Variants in GRAMD2B observed in about 807,000 individuals in gnomAD.
GRAMD2B encodes GRAM domain-containing protein 2B.
In GRAMD2B, 41 loss-of-function variants were observed where a neutral mutation model predicts 59.2. The observed-to-expected ratio is 0.69, with a 90% CI of 0.54 to 0.90. GRAMD2B has a LOEUF of 0.90. Ranked by LOEUF, GRAMD2B falls within the 40% of genes least tolerant of loss-of-function variation. GRAMD2B has a pLI of 0.00. For synonymous variants in GRAMD2B, 161 were observed against 182.7 expected (o/e 0.88, Z 0.96); for missense variants, 424 against 500.5 (o/e 0.85, Z 1.46).
chr5:126,457,657 A>G (rs1766571097), intron 1 of GRAMD2B, among the ~76,000 whole-genome samples: 2 of 152,034 alleles, frequency 1.3e-5, no homozygotes, highest in African/African-American at 2.4e-5. Flanking sequence ...TATATATATC[A>G]TTGAGAAGGT....
chr5:126,400,704 G>A (rs545942484), intron 1 of GRAMD2B, among the ~76,000 whole-genome samples: 1 of 152,016 alleles, frequency 6.6e-6, no homozygotes, highest in African/African-American at 2.4e-5. Context: ...TATTTCTGAA[G>A]GACAGCTTTA....
chr5:126,362,219 G>A (rs150809719), intron 1 of GRAMD2B, among the ~76,000 whole-genome samples: 15 of 152,248 alleles, frequency 9.9e-5, no homozygotes, highest in African/African-American at 3.4e-4. Context: ...TTTTGATCGG[G>A]CAGCATCATT....
chr5:126,394,033 G>C (rs1561475012), intron 1 of GRAMD2B, among the ~76,000 whole-genome samples: 1 of 152,096 alleles, frequency 6.6e-6, no homozygotes, highest in Admixed American at 6.5e-5. Flanking sequence ...CCAGCACTTC[G>C]GGAGGCCAAG....
At chr5:126,454,551 T>G (rs972409241) in intron 1 of GRAMD2B, among the ~76,000 whole-genome samples, 1 of 152,222 alleles carries the variant, frequency 6.6e-6, no homozygotes, top group South Asian at 2.1e-4. Flanking sequence ...TTATATGAGT[T>G]GCCTTAGGCT....
At chr5:126,438,235 A>G (rs1429350026) in intron 1 of GRAMD2B, among the ~76,000 whole-genome samples, 1 of 152,210 alleles carries the variant, frequency 6.6e-6, no homozygotes, top group Non-Finnish European at 1.5e-5. Context: ...GGAGGAGCGA[A>G]GTCAATGAAA....
At chr5:126,452,337 C>T (rs561545020) in intron 1 of GRAMD2B, among the ~76,000 whole-genome samples, 1 of 152,240 alleles carries the variant, frequency 6.6e-6, no homozygotes, top group South Asian at 2.1e-4. Context: ...AATCTAATCA[C>T]CTCCCAAAAG....
intron 2 of GRAMD2B, among the ~76,000 whole-genome samples, chr5:126,467,275 A>G (rs1485451392): frequency 6.6e-6 from 1 of 152,056 alleles, no homozygotes; most frequent in African/African-American, 2.4e-5. Flanking sequence ...GTCTCTATAT[A>G]AAAATTATTA....
At chr5:126,399,631 C>A (rs147396583) in intron 1 of GRAMD2B, among the ~76,000 whole-genome samples, 125 of 152,238 alleles carry the variant, frequency 8.2e-4, no homozygotes, top group Non-Finnish European at 1.3e-3. Flanking sequence ...TATAAATTAT[C>A]CAGTCTCAGG....
intron 1 of GRAMD2B, among the ~76,000 whole-genome samples, chr5:126,415,956 A>G (rs2149766102): frequency 6.6e-6 from 1 of 152,380 alleles, no homozygotes; most frequent in South Asian, 2.1e-4. Flanking sequence ...TGTCAGTTGC[A>G]ATGCATGAAT....
intron 1 of GRAMD2B, among the ~76,000 whole-genome samples, chr5:126,443,558 T>C (rs1485844335): frequency 6.6e-6 from 1 of 152,190 alleles, no homozygotes; most frequent in Non-Finnish European, 1.5e-5. Context: ...CTCCCTTCCT[T>C]TGTCTCTTCA....
intron 5 of GRAMD2B, among the ~76,000 whole-genome samples, chr5:126,474,074 A>G (rs1383087222): frequency 1.3e-5 from 2 of 152,244 alleles, no homozygotes; most frequent in African/African-American, 4.8e-5. Flanking sequence ...CAAAGAAAAG[A>G]TAATTCTATC....
chr5:126,382,242 C>T (rs1344030065), intron 1 of GRAMD2B, among the ~76,000 whole-genome samples: 1 of 152,180 alleles, frequency 6.6e-6, no homozygotes, highest in Non-Finnish European at 1.5e-5. Flanking sequence ...AGGCCTCTAG[C>T]AAGGCCAGGA....
intron 1 of GRAMD2B, among the ~76,000 whole-genome samples, chr5:126,463,003 CA>C (rs1288457272): frequency 1.3e-5 from 2 of 152,228 alleles, no homozygotes; most frequent in African/African-American, 4.8e-5. Flanking sequence ...GGTCCCGAAA[CA>C]GGACCACCTT....
chr5:126,376,919 G>C (rs879249085), intron 1 of GRAMD2B, among the ~76,000 whole-genome samples: 1 of 151,874 alleles, frequency 6.6e-6, no homozygotes, highest in Admixed American at 6.6e-5. Context: ...AATTGCACCA[G>C]GATATAGTGA....
chr5:126,448,766 G>C (rs568275944), intron 1 of GRAMD2B, among the ~76,000 whole-genome samples: 1 of 152,194 alleles, frequency 6.6e-6, no homozygotes, highest in African/African-American at 2.4e-5. Context: ...GAGAAGGCTA[G>C]TCATAGTATG....
chr5:126,472,368 G>A (rs988117544), intron 4 of GRAMD2B, 64 bp downstream of exon 4: 1 of 1,314,002 alleles, frequency 7.6e-7, no homozygotes, highest in Non-Finnish European at 1.1e-6. Context: ...TAGTTTTGGG[G>A]AAGAAAAAGG....
At chr5:126,481,355 T>A (rs972950004) in intron 8 of GRAMD2B, among the ~76,000 whole-genome samples, 1 of 152,192 alleles carries the variant, frequency 6.6e-6, no homozygotes, top group Non-Finnish European at 1.5e-5. Context: ...AGTAGCTCCC[T>A]CTGTGTAAGA....
chr5:126,457,691 G>A (rs373973526), intron 1 of GRAMD2B, among the ~76,000 whole-genome samples: 4 of 152,034 alleles, frequency 2.6e-5, no homozygotes, highest in East Asian at 1.9e-4. Context: ...AATCTTAAAG[G>A]GAGAGAGTCA....
intron 1 of GRAMD2B, among the ~76,000 whole-genome samples, chr5:126,441,408 A>G (rs1484111173): frequency 6.6e-6 from 1 of 152,220 alleles, no homozygotes; most frequent in African/African-American, 2.4e-5. Flanking sequence ...CTGCAGAGGA[A>G]AGCAGGCTGT....
Sources: gnomAD v4.1 joint callset for allele counts (sites outside exome capture counted in the v4.1 genomes callset) on GRCh38, gnomAD v4.1.1 for gene constraint, MANE v1.5 for transcripts, NCBI Gene and HGNC (gene_info 2026-07-23, HGNC 2026-07-21) for gene names.